ADAMTS6: variants seen among roughly 807,000 people sequenced by gnomAD.
The protein encoded by ADAMTS6 is ADAM metallopeptidase with thrombospondin type 1 motif 6, also known as A disintegrin and metalloproteinase with thrombospondin motifs 6.
Under a neutral mutation model 144.3 loss-of-function variants are expected in ADAMTS6, and 23 were observed. That is an observed-to-expected ratio of 0.16 (90% CI 0.11 to 0.23). The LOEUF is 0.23. Among genes scored for constraint, ADAMTS6 ranks in the 10% least tolerant of loss-of-function variants. The probability of loss-of-function intolerance (pLI) is 1.00; values close to 1 mark genes in which losing one functional copy is unlikely to be tolerated. For missense variants in ADAMTS6, 999 were observed against 1,379.6 expected (o/e 0.72, Z 4.37); for synonymous variants, 444 against 457.5 (o/e 0.97, Z 0.38).
intron 9 of ADAMTS6, among the ~76,000 whole-genome samples, chr5:65,329,146 A>C (rs748280965): frequency 6.6e-6 from 1 of 152,160 alleles, no homozygotes; most frequent in Non-Finnish European, 1.5e-5. Flanking sequence ...ACAAAAACTT[A>C]AATGTGGTGC....
At chr5:65,463,988 C>T (rs867912888) in intron 3 of ADAMTS6, among the ~76,000 whole-genome samples, 2 of 152,184 alleles carry the variant, frequency 1.3e-5, no homozygotes, top group African/African-American at 4.8e-5. Flanking sequence ...AGCATTGAAC[C>T]TCATGCCATG....
chr5:65,160,174 G>A (rs1752664311), intron 24 of ADAMTS6, among the ~76,000 whole-genome samples: 1 of 152,076 alleles, frequency 6.6e-6, no homozygotes, highest in African/African-American at 2.4e-5. Flanking sequence ...CCCTGTCTTG[G>A]GGTAGAGTTG....
At chr5:65,288,322 T>C (rs1741914908) in intron 11 of ADAMTS6, among the ~76,000 whole-genome samples, 1 of 150,884 alleles carries the variant, frequency 6.6e-6, no homozygotes, top group African/African-American at 2.4e-5. Context: ...TCTTTTCTTT[T>C]TTTTTTTTTT....
In ADAMTS6 at chr5:65,253,040, A is replaced by G. The variant is rs560075557; in HGVS notation, c.1830+7560T>C. ...GTAGCTGGGACTACAGGCATGCACCATCATGCCCAGCTACTTTCTGTATTT... is the reference window on the plus strand; with the variant it reads ...GTAGCTGGGACTACAGGCATGCACCGTCATGCCCAGCTACTTTCTGTATTT... On this transcript the variant is annotated intron_variant, in intron 14 of 24. Coordinates refer to ENST00000381055, the MANE Select transcript of ADAMTS6 (RefSeq NM_197941.4). Among the ~76,000 whole-genome samples the G allele has an allele frequency of 3.2e-3, 489 of 152,146 alleles. 2 individuals are homozygous for G. Among genetic ancestry groups the G allele is most frequent in the African/African-American group, 0.011 (464 of 41,498 alleles).
At chr5:65,468,748 G>T (rs1760216601) in intron 3 of ADAMTS6, among the ~76,000 whole-genome samples, 1 of 152,138 alleles carries the variant, frequency 6.6e-6, no homozygotes, top group African/African-American at 2.4e-5. Context: ...TTGTAGAAAA[G>T]GTTCCATTTT....
intron 7 of ADAMTS6, among the ~76,000 whole-genome samples, chr5:65,441,151 G>C (rs1738704187): frequency 6.6e-6 from 1 of 152,014 alleles, no homozygotes; most frequent in South Asian, 2.1e-4. Context: ...TTTTTTAAAA[G>C]ACCCAAATTA....
chr5:65,254,453 G>C (rs936814654), intron 14 of ADAMTS6, among the ~76,000 whole-genome samples: 1 of 152,178 alleles, frequency 6.6e-6, no homozygotes, highest in Non-Finnish European at 1.5e-5. Context: ...AAATACTGGA[G>C]TAAATGTAAG....
intron 9 of ADAMTS6, among the ~76,000 whole-genome samples, chr5:65,323,889 T>A (rs1203891544): frequency 1.3e-5 from 2 of 152,240 alleles, no homozygotes; most frequent in African/African-American, 4.8e-5. Flanking sequence ...CATTTTTTCA[T>A]GTGTTTTTTG....
intron 3 of ADAMTS6, among the ~76,000 whole-genome samples, chr5:65,466,981 G>A (rs1760069964): frequency 1.3e-5 from 2 of 151,388 alleles, no homozygotes; most frequent in Admixed American, 1.3e-4. Flanking sequence ...GGCGGAGCTT[G>A]CAGTGAGCCA....
chr5:65,309,669 T>C (rs190239703), intron 9 of ADAMTS6, among the ~76,000 whole-genome samples: 1 of 152,240 alleles, frequency 6.6e-6, no homozygotes, highest in Admixed American at 6.5e-5. Context: ...TACCCGAATA[T>C]ATACAGAATA....
chr5:65,342,858 C>T (rs2150077416), intron 7 of ADAMTS6, among the ~76,000 whole-genome samples: 1 of 152,050 alleles, frequency 6.6e-6, no homozygotes, highest in African/African-American at 2.4e-5. Flanking sequence ...AGTAAAGTTA[C>T]AGAATACAAA....
Position 65,192,106 on chromosome 5 carries a change from A to G in ADAMTS6, c.2706-3886T>C, listed in dbSNP as rs865884934. Among the ~76,000 whole-genome samples the G allele has an allele frequency of 6.6e-5, 10 of 152,184 alleles. No individual in the cohort carries two copies. The Middle Eastern group carries it at 0.014, about 207-fold the overall frequency. The stretch of plus-strand genomic sequence containing the variant: ...AAGAGATGACAGTTGTCCATGGGTG[A>G]GGTCCAATGACTCAGAATAATGGTT... On this transcript the variant is annotated intron_variant, in intron 21 of 24. Transcript: ENST00000381055.
intron 1 of ADAMTS6, among the ~76,000 whole-genome samples, chr5:65,476,990 G>A (rs982823190): frequency 6.6e-6 from 1 of 152,104 alleles, no homozygotes; most frequent in Non-Finnish European, 1.5e-5. Context: ...GTTTCTTCTT[G>A]AAATTACTTC....
At chr5:65,288,632 T>G (rs975161549) in intron 11 of ADAMTS6, among the ~76,000 whole-genome samples, 5 of 152,174 alleles carry the variant, frequency 3.3e-5, no homozygotes, top group Non-Finnish European at 4.4e-5. Flanking sequence ...CTGTAGTTCT[T>G]TAAAATCTTT....
At chr5:65,216,289 T>C (rs1193515404) in intron 18 of ADAMTS6, among the ~76,000 whole-genome samples, 1 of 152,138 alleles carries the variant, frequency 6.6e-6, no homozygotes, top group Non-Finnish European at 1.5e-5. Flanking sequence ...CAAGCTATAA[T>C]GTGATGAAAC....
At chr5:65,274,495 A>C (rs1003438655) in intron 11 of ADAMTS6, among the ~76,000 whole-genome samples, 1 of 151,996 alleles carries the variant, frequency 6.6e-6, no homozygotes, top group Non-Finnish European at 1.5e-5. Flanking sequence ...CTCCCAAAAC[A>C]TAAGAACTCA....
chr5:65,316,204 G>A (rs533702069), intron 9 of ADAMTS6, among the ~76,000 whole-genome samples: 2 of 152,192 alleles, frequency 1.3e-5, no homozygotes, highest in Non-Finnish European at 2.9e-5. Context: ...GAGCCACCAC[G>A]CCCAGCCTAT....
intron 7 of ADAMTS6, among the ~76,000 whole-genome samples, chr5:65,339,274 C>T (rs1273898098): frequency 6.6e-6 from 1 of 152,104 alleles, no homozygotes; most frequent in Non-Finnish European, 1.5e-5. Flanking sequence ...AAACTATACA[C>T]AGACAATACT....
At position 65,237,632 on chromosome 5, in the gene ADAMTS6, G is replaced by T. The variant is rs7725856; in HGVS notation, c.1933+4472C>A. Among the ~76,000 whole-genome samples the T allele has an allele frequency of 9.6e-3, 1,458 of 151,920 alleles. 11 individuals carry two copies. Among genetic ancestry groups the T allele is most frequent in the Non-Finnish European group, 0.015 (1,006 of 67,954 alleles). On this transcript the variant is annotated intron_variant, in intron 15 of 24. Coordinates refer to ENST00000381055, the MANE Select transcript of ADAMTS6 (RefSeq NM_197941.4). ...AGAATGCATCTGATACCAAAACTTA[G>T]CAAAGACATCATAAGAAGAATATTT... is the stretch of plus-strand genomic sequence containing the variant.
Sources: allele counts gnomAD v4.1 joint callset (sites outside exome capture counted in the v4.1 genomes callset), GRCh38; gene constraint gnomAD v4.1.1; transcripts MANE v1.5; gene names NCBI Gene and HGNC (gene_info 2026-07-23, HGNC 2026-07-21).